Variants in TTC28 observed in about 807,000 individuals in gnomAD.
TTC28 encodes the protein tetratricopeptide repeat protein 28.
Under a neutral mutation model 198.0 loss-of-function variants are expected in TTC28, and 61 were observed. The ratio of observed to expected loss-of-function variants is 0.31; its 90% CI spans 0.25 to 0.38. The LOEUF (loss-of-function observed/expected upper bound fraction) is 0.38, where lower values mean the gene tolerates loss of function less well. Among genes scored for constraint, TTC28 ranks in the 10% least tolerant of loss-of-function variants. TTC28 has a pLI of 1.00. For synonymous variants in TTC28, 1,171 were observed against 1,297.8 expected (o/e 0.90, Z 2.10); for missense variants, 2,678 against 3,164.0 (o/e 0.85, Z 3.69).
chr22:28,570,507 T>C (rs1173279480), intron 2 of TTC28, among the ~76,000 whole-genome samples: 1 of 152,016 alleles, frequency 6.6e-6, no homozygotes, highest in African/African-American at 2.4e-5. Flanking sequence ...TGAATACACA[T>C]GAACACAAAG....
At chr22:28,082,923 C>G (rs997825092) in intron 12 of TTC28, among the ~76,000 whole-genome samples, 1 of 152,066 alleles carries the variant, frequency 6.6e-6, no homozygotes, top group Non-Finnish European at 1.5e-5. Flanking sequence ...AATTTCCTCA[C>G]TAGTTATAGA....
chr22:28,058,252 A>C (rs754755377), intron 12 of TTC28, among the ~76,000 whole-genome samples: 36 of 152,122 alleles, frequency 2.4e-4, no homozygotes, highest in Non-Finnish European at 4.4e-4. Context: ...TTTATTTACG[A>C]AACAGTAGCT....
chr22:28,471,495 T>C (rs191902662), intron 2 of TTC28, among the ~76,000 whole-genome samples: 169 of 152,272 alleles, frequency 1.1e-3, no homozygotes, highest in African/African-American at 3.8e-3. Flanking sequence ...GCTTGTATTA[T>C]TTGGTGAAGA....
chr22:28,610,655 G>A (rs187185486), intron 2 of TTC28, among the ~76,000 whole-genome samples: 1 of 152,102 alleles, frequency 6.6e-6, no homozygotes, highest in Non-Finnish European at 1.5e-5. Context: ...AAACCAGAAC[G>A]CCTCTTCTCC....
intron 12 of TTC28, among the ~76,000 whole-genome samples, chr22:28,092,090 G>T (rs938490496): frequency 2.0e-5 from 3 of 152,172 alleles, no homozygotes; most frequent in Non-Finnish European, 4.4e-5. Context: ...CATGCTTCTT[G>T]TCAACCTTTC....
chr22:28,353,369 G>C (rs2046028433), intron 2 of TTC28, among the ~76,000 whole-genome samples: 1 of 152,100 alleles, frequency 6.6e-6, no homozygotes, highest in Non-Finnish European at 1.5e-5. Flanking sequence ...GGAATCTCAA[G>C]GGACCCTGAA....
chr22:28,206,358 G>T (rs146072202), intron 5 of TTC28, among the ~76,000 whole-genome samples: 219 of 152,200 alleles, frequency 1.4e-3, no homozygotes, highest in Non-Finnish European at 2.8e-3. Flanking sequence ...CACACCTCCC[G>T]ATCTTCTGTT....
At chr22:28,080,367 T>A (rs1412823460) in intron 12 of TTC28, among the ~76,000 whole-genome samples, 4 of 152,222 alleles carry the variant, frequency 2.6e-5, no homozygotes, top group Admixed American at 6.5e-5. Context: ...CCATTTTTTT[T>A]AAAGTGACCA....
At chr22:28,503,143 T>C (rs2048559206) in intron 2 of TTC28, among the ~76,000 whole-genome samples, 1 of 152,050 alleles carries the variant, frequency 6.6e-6, no homozygotes, top group Admixed American at 6.6e-5. Flanking sequence ...AACCTAACAA[T>C]ATGCCTTTCC....
chr22:28,362,866 C>T (rs766508886), intron 2 of TTC28, among the ~76,000 whole-genome samples: 2 of 152,072 alleles, frequency 1.3e-5, no homozygotes, highest in Non-Finnish European at 2.9e-5. Flanking sequence ...GCAAAGCATT[C>T]AAGAGGTGAC....
chr22:28,538,450 G>A (rs906183024), intron 2 of TTC28, among the ~76,000 whole-genome samples: 15 of 151,870 alleles, frequency 9.9e-5, no homozygotes, highest in Admixed American at 3.9e-4. Context: ...CTGGTAATGC[G>A]TGTTGCCTTT....
Position 28,629,779 on chromosome 22 carries a change from C to A in TTC28, c.154G>T (p.Val52Leu), listed in dbSNP as rs748284797. Residue 52 changes from valine (V) to leucine (L), a missense_variant, in exon 2 of 23, where the codon GTA (valine) becomes TTA (leucine). Physicochemically the swap from Val to Leu is conservative, Grantham distance 32 (BLOSUM62 1). Coordinates refer to ENST00000397906, the MANE Select transcript of TTC28 (RefSeq NM_001145418.2). ...TIGQRSPDGP[V>L]LSKAEFVEKV... is the part of the protein sequence containing the mutation. ...TCAACAAATTCAGCTTTGCTCAGTACCGGTCCATCAGGACTTCTCTGGCCA... is the reference window on the plus strand; with the variant it reads ...TCAACAAATTCAGCTTTGCTCAGTAACGGTCCATCAGGACTTCTCTGGCCA... 1 of 1,551,698 alleles carries A rather than the reference C, an allele frequency of 6.4e-7. No individual in the cohort carries two copies.
intron 5 of TTC28, among the ~76,000 whole-genome samples, chr22:28,182,767 T>C (rs1923825082): frequency 6.6e-6 from 1 of 152,148 alleles, no homozygotes; most frequent in South Asian, 2.1e-4. Flanking sequence ...TTAACCTCTA[T>C]CCCCTGTTGA....
chr22:28,140,676 C>G (rs1327261512), intron 6 of TTC28, among the ~76,000 whole-genome samples: 1 of 152,170 alleles, frequency 6.6e-6, no homozygotes, highest in Non-Finnish European at 1.5e-5. Context: ...CAGAAATGGT[C>G]AACTTCATGT....
intron 2 of TTC28, among the ~76,000 whole-genome samples, chr22:28,459,207 G>A (rs934652216): frequency 6.6e-6 from 1 of 152,010 alleles, no homozygotes; most frequent in African/African-American, 2.4e-5. Flanking sequence ...CAGGTGGATC[G>A]CTTGAGCTCA....
chr22:28,020,583 T>C (rs1050261723), intron 13 of TTC28, among the ~76,000 whole-genome samples: 3 of 152,062 alleles, frequency 2.0e-5, no homozygotes, highest in African/African-American at 7.2e-5. Context: ...TCAGGGAGGA[T>C]GAAGGGCTCT....
At chr22:27,997,811 C>CT (rs1937578981) in intron 16 of TTC28, 1 of 152,512 alleles carries the variant, frequency 6.6e-6, no homozygotes, top group Admixed American at 6.5e-5. Context: ...GGTTTGTACT[C>CT]TGTGAGTCTT....
At chr22:28,383,004 C>T (rs760417810) in intron 2 of TTC28, among the ~76,000 whole-genome samples, 2 of 152,166 alleles carry the variant, frequency 1.3e-5, no homozygotes, top group Non-Finnish European at 2.9e-5. Context: ...TCTTACTTGA[C>T]CTATCATTTA....
chr22:28,225,641 T>A (rs576125581), intron 5 of TTC28, among the ~76,000 whole-genome samples: 26 of 152,274 alleles, frequency 1.7e-4, no homozygotes, highest in Non-Finnish European at 2.8e-4. Flanking sequence ...TGACAAAAAA[T>A]AAATAACATA....
Sources: gnomAD v4.1 joint callset for allele counts (sites outside exome capture counted in the v4.1 genomes callset) on GRCh38, gnomAD v4.1.1 for gene constraint, MANE v1.5 for transcripts, NCBI Gene and HGNC (gene_info 2026-07-23, HGNC 2026-07-21) for gene names.